Variants in PDE1C observed in about 807,000 individuals in gnomAD.
PDE1C encodes phosphodiesterase 1C.
PDE1C carries 62 observed loss-of-function variants against 93.1 expected under a neutral mutation model. The observed-to-expected ratio is 0.67, with a 90% CI of 0.54 to 0.82. The LOEUF (loss-of-function observed/expected upper bound fraction) is 0.82, where lower values mean the gene tolerates loss of function less well. Among genes scored for constraint, PDE1C ranks in the 40% least tolerant of loss-of-function variants. PDE1C has a pLI of 0.00. For synonymous variants in PDE1C, 325 were observed against 310.1 expected (o/e 1.05, Z -0.50); for missense variants, 742 against 884.6 (o/e 0.84, Z 2.04).
chr7:32,082,131 C>T (rs1013587227), intron 3 of PDE1C, among the ~76,000 whole-genome samples: 5 of 152,274 alleles, frequency 3.3e-5, no homozygotes, highest in African/African-American at 1.2e-4. Flanking sequence ...TGACAGACGG[C>T]ACCTGGAAAA....
intron 5 of PDE1C, among the ~76,000 whole-genome samples, chr7:31,875,174 T>C (rs1269404666): frequency 6.6e-6 from 1 of 152,166 alleles, no homozygotes; most frequent in Admixed American, 6.5e-5. Context: ...AAGGAAAAAG[T>C]CACTGACAAC....
At chr7:32,087,175 C>G (rs1434355220) in intron 3 of PDE1C, among the ~76,000 whole-genome samples, 1 of 150,268 alleles carries the variant, frequency 6.7e-6, no homozygotes, top group Non-Finnish European at 1.5e-5. Context: ...ACAACCCCAT[C>G]AAAAAGTGGG....
intron 2 of PDE1C, among the ~76,000 whole-genome samples, chr7:32,171,528 T>C (rs1014384161): frequency 6.7e-6 from 1 of 149,234 alleles, no homozygotes; most frequent in Admixed American, 6.7e-5. Flanking sequence ...TTATTAAAAT[T>C]AATATTTTAA....
At chr7:32,212,942 A>C (rs1806158325) in intron 1 of PDE1C, among the ~76,000 whole-genome samples, 1 of 152,152 alleles carries the variant, frequency 6.6e-6, no homozygotes, top group African/African-American at 2.4e-5. Context: ...CATGTCTGAC[A>C]AGCTCCCAGG....
intron 17 of PDE1C, among the ~76,000 whole-genome samples, chr7:31,756,025 G>C (rs1583937441): frequency 1.3e-5 from 2 of 152,220 alleles, no homozygotes; most frequent in Admixed American, 1.3e-4. Context: ...AATTAGCTGG[G>C]TGTGGTGGTT....
At chr7:31,900,414 C>CT (rs1799821415) in intron 2 of PDE1C, among the ~76,000 whole-genome samples, 9 of 117,808 alleles carry the variant, frequency 7.6e-5, no homozygotes, top group Admixed American at 1.7e-4. Context: ...TTCCTGGCTA[C>CT]CTTTTTTTTT....
chr7:31,890,150 C>T (rs1798449375), intron 2 of PDE1C, among the ~76,000 whole-genome samples: 1 of 152,146 alleles, frequency 6.6e-6, no homozygotes, highest in African/African-American at 2.4e-5. Flanking sequence ...ATGAAAAATA[C>T]AACCCAGAGC....
chr7:31,726,943 G>C, the PDE1C span, among the ~76,000 whole-genome samples: 2 of 152,258 alleles, frequency 1.3e-5, no homozygotes, highest in South Asian at 2.1e-4. Flanking sequence ...GCCTGAGGCA[G>C]GAGAATCACT....
chr7:32,036,264 T>A (rs1791073072), intron 2 of PDE1C, among the ~76,000 whole-genome samples: 1 of 152,208 alleles, frequency 6.6e-6, no homozygotes, highest in South Asian at 2.1e-4. Context: ...AGCATATCCA[T>A]CCTACGGGTT....
chr7:32,251,644 C>T (rs140828532), intron 1 of PDE1C, among the ~76,000 whole-genome samples: 71 of 152,298 alleles, frequency 4.7e-4, no homozygotes, highest in African/African-American at 1.4e-3. Context: ...AACCCCTGCA[C>T]CTGCACAGTG....
intron 1 of PDE1C, among the ~76,000 whole-genome samples, chr7:32,398,653 T>C (rs1156775216): frequency 6.6e-6 from 1 of 152,066 alleles, no homozygotes; most frequent in Non-Finnish European, 1.5e-5. Context: ...CCTCCCAAAG[T>C]GCTGGGATTA....
intron 1 of PDE1C, among the ~76,000 whole-genome samples, chr7:32,283,428 T>G (rs1338842693): frequency 1.3e-5 from 2 of 152,238 alleles, no homozygotes; most frequent in Non-Finnish European, 2.9e-5. Flanking sequence ...TTTTGTGTTC[T>G]CTTTGCCAAT....
chr7:31,878,292 G>A (rs1292425608), intron 4 of PDE1C, among the ~76,000 whole-genome samples: 1 of 152,192 alleles, frequency 6.6e-6, no homozygotes, highest in African/African-American at 2.4e-5. Context: ...ACTGGAAATT[G>A]AATTATTAAA....
intron 17 of PDE1C, among the ~76,000 whole-genome samples, chr7:31,766,077 A>C (rs1181307222): frequency 1.3e-5 from 2 of 152,182 alleles, no homozygotes; most frequent in Non-Finnish European, 2.9e-5. Context: ...GTAGATATGC[A>C]ATAAATGTTA....
intron 1 of PDE1C, among the ~76,000 whole-genome samples, chr7:32,309,178 G>C (rs1297938850): frequency 1.3e-5 from 2 of 152,198 alleles, no homozygotes; most frequent in Non-Finnish European, 2.9e-5. Context: ...ATGAAATGAA[G>C]CAAGAAGGGA....
intron 2 of PDE1C, among the ~76,000 whole-genome samples, chr7:31,975,613 G>C (rs1357276589): frequency 6.6e-6 from 1 of 152,024 alleles, no homozygotes; most frequent in Non-Finnish European, 1.5e-5. Context: ...GTAAGTTTTA[G>C]TCAGAGAAAC....
intron 1 of PDE1C, among the ~76,000 whole-genome samples, chr7:32,279,134 C>T (rs1382594863): frequency 6.6e-6 from 1 of 152,078 alleles, no homozygotes; most frequent in African/African-American, 2.4e-5. Context: ...ACTAACATAG[C>T]GTAGCAAGTA....
At chr7:32,066,035 T>C (rs116963126) in intron 1 of PDE1C, among the ~76,000 whole-genome samples, 13 of 152,316 alleles carry the variant, frequency 8.5e-5, no homozygotes, top group Middle Eastern at 3.4e-3. Context: ...CCTCCTATCA[T>C]AAAAGGTCTT....
At chr7:32,345,850 G>C (rs534164392) in intron 1 of PDE1C, among the ~76,000 whole-genome samples, 1 of 152,266 alleles carries the variant, frequency 6.6e-6, no homozygotes, top group Non-Finnish European at 1.5e-5. Context: ...ATAATAACAA[G>C]AATTGGTGAG....
Sources: gnomAD v4.1 joint callset for allele counts (sites outside exome capture counted in the v4.1 genomes callset) on GRCh38, gnomAD v4.1.1 for gene constraint, MANE v1.5 for transcripts, NCBI Gene and HGNC (gene_info 2026-07-23, HGNC 2026-07-21) for gene names.